Variants in TMEM132D observed in about 807,000 individuals in gnomAD.
The protein encoded by TMEM132D is transmembrane protein 132D.
TMEM132D carries 21 observed loss-of-function variants against 62.3 expected under a neutral mutation model. The observed-to-expected ratio is 0.34, with a 90% confidence interval of 0.24 to 0.49. TMEM132D has a LOEUF of 0.49. Among genes scored for constraint, TMEM132D ranks in the 20% least tolerant of loss-of-function variants. TMEM132D has a pLI of 0.99. For missense variants in TMEM132D, 1,346 were observed against 1,402.8 expected, an observed-to-expected ratio of 0.96 and a Z score of 0.65; for synonymous variants, 621 against 575.6, an observed-to-expected ratio of 1.08 and a Z score of -1.13.
intron 5 of TMEM132D, among the ~76,000 whole-genome samples, chr12:129,135,072 C>T (rs1023776690): frequency 2.6e-5 from 4 of 152,136 alleles, no homozygotes; most frequent in African/African-American, 9.7e-5. Flanking sequence ...GTCATACCCC[C>T]TATGATATGG....
chr12:129,805,051 C>G (rs1017708482), intron 1 of TMEM132D, among the ~76,000 whole-genome samples: 12 of 148,280 alleles, frequency 8.1e-5, no homozygotes, highest in African/African-American at 3.0e-4. Flanking sequence ...AGGATACAAA[C>G]AAATGGAAGA....
chr12:129,190,191 G>T, intron 5 of TMEM132D, among the ~76,000 whole-genome samples: 2 of 110,254 alleles, frequency 1.8e-5, no homozygotes, highest in African/African-American at 7.1e-5. Context: ...CCTGCAGATG[G>T]AGGGAGGGAG....
chr12:129,376,800 A>G (rs1015559610), intron 3 of TMEM132D, among the ~76,000 whole-genome samples: 3 of 152,234 alleles, frequency 2.0e-5, no homozygotes, highest in Admixed American at 2.0e-4. Context: ...AGTGAAACTT[A>G]ACGAGTTATT....
chr12:129,574,715 T>C (rs55687758), intron 2 of TMEM132D, among the ~76,000 whole-genome samples: 18,429 of 151,602 alleles, frequency 0.12, 1,330 homozygotes, highest in Admixed American at 0.18. Flanking sequence ...CCCGAGAATA[T>C]AGCTCAGGGC....
chr12:129,519,061 G>A (rs1324832937), intron 3 of TMEM132D, among the ~76,000 whole-genome samples: 3 of 152,166 alleles, frequency 2.0e-5, no homozygotes, highest in East Asian at 1.9e-4. Context: ...GCTTTTACAT[G>A]TTAAAGATAC....
intron 3 of TMEM132D, among the ~76,000 whole-genome samples, chr12:129,473,583 G>A (rs981419947): frequency 2.0e-5 from 3 of 152,010 alleles, no homozygotes; most frequent in African/African-American, 4.8e-5. Context: ...TGCCCGCCTC[G>A]GCCTCCCAAA....
intron 1 of TMEM132D, among the ~76,000 whole-genome samples, chr12:129,888,789 G>C (rs1874827488): frequency 6.6e-6 from 1 of 152,138 alleles, no homozygotes; most frequent in Non-Finnish European, 1.5e-5. Context: ...TGGTAACAGT[G>C]TCCCAACTTG....
At chr12:129,888,429 G>A (rs1874814618) in intron 1 of TMEM132D, among the ~76,000 whole-genome samples, 1 of 152,162 alleles carries the variant, frequency 6.6e-6, no homozygotes, top group Non-Finnish European at 1.5e-5. Flanking sequence ...TGGGCGCGAT[G>A]GCTCACACCT....
chr12:129,354,041 A>G (rs1489559017), intron 3 of TMEM132D, among the ~76,000 whole-genome samples: 2 of 152,078 alleles, frequency 1.3e-5, no homozygotes, highest in East Asian at 3.9e-4. Flanking sequence ...ATGCACTTAA[A>G]TAGATGAAGT....
At chr12:129,660,636 T>TA (rs113557147) in intron 2 of TMEM132D, among the ~76,000 whole-genome samples, 33 of 152,048 alleles carry the variant, frequency 2.2e-4, no homozygotes, top group African/African-American at 8.0e-4. Context: ...AGCCTGCATG[T>TA]AAAAAACGGG....
At chr12:129,625,056 A>C (rs968874936) in intron 2 of TMEM132D, among the ~76,000 whole-genome samples, 1 of 152,218 alleles carries the variant, frequency 6.6e-6, no homozygotes, top group Non-Finnish European at 1.5e-5. Context: ...CCTGATTGGC[A>C]TGGCTACTGC....
chr12:129,626,579 T>C (rs1457736307), intron 2 of TMEM132D, among the ~76,000 whole-genome samples: 1 of 152,058 alleles, frequency 6.6e-6, no homozygotes, highest in Non-Finnish European at 1.5e-5. Flanking sequence ...TACCTCAGAC[T>C]CCCGAGTAGC....
At chr12:129,397,437 T>C (rs1871463641) in intron 3 of TMEM132D, among the ~76,000 whole-genome samples, 1 of 152,176 alleles carries the variant, frequency 6.6e-6, no homozygotes, top group Non-Finnish European at 1.5e-5. Context: ...GTAAACTTTC[T>C]GACGAACACC....
chr12:129,428,591 A>G (rs1202434308), intron 3 of TMEM132D, among the ~76,000 whole-genome samples: 1 of 152,220 alleles, frequency 6.6e-6, no homozygotes, highest in African/African-American at 2.4e-5. Context: ...CTGGGACAAA[A>G]TTCTTATTTT....
intron 2 of TMEM132D, among the ~76,000 whole-genome samples, chr12:129,691,944 TAAA>T (rs929037867): frequency 2.0e-5 from 3 of 152,034 alleles, no homozygotes; most frequent in African/African-American, 7.2e-5. Context: ...CCCTATCTAT[TAAA>T]GAAGAGTAAA....
chr12:129,413,491 TA>T (rs1329122409), intron 3 of TMEM132D, among the ~76,000 whole-genome samples: 2 of 151,498 alleles, frequency 1.3e-5, no homozygotes, highest in African/African-American at 4.9e-5. Flanking sequence ...CAGACTAATA[TA>T]ATAAGTGACG....
At chr12:129,137,146 T>C (rs371074862) in intron 5 of TMEM132D, among the ~76,000 whole-genome samples, 434 of 31,458 alleles carry the variant, frequency 0.014, 10 homozygotes, top group East Asian at 0.11. Flanking sequence ...TCACTATCAT[T>C]GTCATCACTA....
chr12:129,526,899 G>C (rs1876061702), intron 3 of TMEM132D, among the ~76,000 whole-genome samples: 1 of 152,184 alleles, frequency 6.6e-6, no homozygotes, highest in African/African-American at 2.4e-5. Flanking sequence ...AAGGTGCCTG[G>C]GACCCTAGTG....
intron 1 of TMEM132D, among the ~76,000 whole-genome samples, chr12:129,707,174 A>G (rs552297537): frequency 5.4e-5 from 8 of 148,192 alleles, no homozygotes; most frequent in Non-Finnish European, 1.0e-4. Flanking sequence ...TATAATATAT[A>G]CTATATCTAT....
Sources: allele counts gnomAD v4.1 joint callset (sites outside exome capture counted in the v4.1 genomes callset), GRCh38; gene constraint gnomAD v4.1.1; transcripts MANE v1.5; gene names NCBI Gene and HGNC (gene_info 2026-07-23, HGNC 2026-07-21).